Variants in SPIC observed in about 807,000 individuals in gnomAD.
SPIC encodes transcription factor Spi-C.
SPIC carries 9 observed loss-of-function variants against 16.7 expected under a neutral mutation model. That is an observed-to-expected ratio of 0.54 (90% CI 0.33 to 0.94). SPIC has a LOEUF of 0.94. Ranked by LOEUF, SPIC falls within the 40% of genes least tolerant of loss-of-function variation. The probability of loss-of-function intolerance (pLI) is 0.03; values close to 1 mark genes in which losing one functional copy is unlikely to be tolerated. For missense variants in SPIC, 241 were observed against 285.8 expected, an observed-to-expected ratio of 0.84 and a Z score of 1.13; for synonymous variants, 97 against 102.9, an observed-to-expected ratio of 0.94 and a Z score of 0.35.
intron 3 of SPIC, among the ~76,000 whole-genome samples, chr12:101,479,282 G>GAA (rs1208437586): frequency 2.0e-5 from 1 of 50,954 alleles, no homozygotes; most frequent in Non-Finnish European, 3.9e-5. Context: ...AAGAAAGAAA[G>GAA]AAAAAGAAAG....
intron 4 of SPIC, among the ~76,000 whole-genome samples, chr12:101,480,339 G>A (rs2121252998): frequency 6.6e-6 from 1 of 152,320 alleles, no homozygotes; most frequent in East Asian, 1.9e-4. Context: ...AAAAGCCACA[G>A]GGCAAAGATC....
Position 101,486,891 on chromosome 12 carries a change from AT to A in SPIC, c.*121del, listed in dbSNP as rs557978724. 3.4e-4 allele frequency: 272 copies of A among 808,068 alleles called. No individual in the cohort carries two copies. Among genetic ancestry groups the A allele is most frequent in the Non-Finnish European group, 4.4e-4 (243 of 546,758 alleles). 50.1% of individuals were successfully genotyped at this position (808,068 alleles called of 1,614,324 possible). ...ATTTAGGATTTTTCTCTTAAAGCAA[AT>A]ACTAAAGAGGAAAAAAAATTAACTT... On this transcript the variant is annotated 3_prime_UTR_variant, in exon 6 of 6. Coordinates refer to ENST00000551346, the MANE Select transcript of SPIC (RefSeq NM_152323.3).
rs1224252199 is a variant in SPIC, at chr12:101,486,844, CT to C, written c.*80del. 14 of 1,272,032 alleles carry C rather than the reference CT, an allele frequency of 1.1e-5. No individual in the cohort carries two copies. The highest frequency in any genetic ancestry group is 7.2e-5 in the South Asian group (4 of 55,610). 78.8% of individuals were successfully genotyped at this position (1,272,032 alleles called of 1,614,324 possible). On this transcript the variant is annotated 3_prime_UTR_variant, in exon 6 of 6. Coordinates refer to ENST00000551346, the MANE Select transcript of SPIC (RefSeq NM_152323.3). ...GTTTTAATGATTTCTCCCTCCCTCTCTTTTTTTCCTCCTCTGAAGAAATTTA... is the reference window on the plus strand; with the variant it reads ...GTTTTAATGATTTCTCCCTCCCTCTCTTTTTTCCTCCTCTGAAGAAATTTA...
Position 101,479,715 on chromosome 12 carries a change from T to C in SPIC, c.210+21T>C, listed in dbSNP as rs1033863086. The C allele has an allele frequency of 3.9e-6, 6 of 1,554,048 alleles. No homozygotes were observed. The African/African-American group carries it at 8.2e-5, about 21-fold the overall frequency. On this transcript the variant is annotated intron_variant, in intron 4 of 5. Coordinates refer to ENST00000551346, the MANE Select transcript of SPIC (RefSeq NM_152323.3). ...TAATTGTAAGTATCAGACCATCCCT[T>C]AATAACAGGCAAATATCCTATTCTT...
chr12:101,479,213 AAAG>A (rs1565831087), intron 3 of SPIC, among the ~76,000 whole-genome samples: 4 of 129,748 alleles, frequency 3.1e-5, no homozygotes, highest in Admixed American at 8.1e-5. Context: ...AGAAAGAAAG[AAAG>A]AAAGAAGGAA....
chr12:101,485,585 G>A (rs145771678), intron 5 of SPIC, among the ~76,000 whole-genome samples: 31 of 152,098 alleles, frequency 2.0e-4, no homozygotes, highest in Admixed American at 9.8e-4. Context: ...CTTTTACCTA[G>A]GTCTTCGGTA....
chr12:101,486,183 T>C (rs1172422255), intron 5 of SPIC, among the ~76,000 whole-genome samples, 161 bp from the exon 6 acceptor site: 1 of 152,132 alleles, frequency 6.6e-6, no homozygotes, highest in African/African-American at 2.4e-5. Flanking sequence ...TACCTTCGAA[T>C]CCCATAAAAT....
At chr12:101,479,792 T>A in intron 4 of SPIC, 98 bp downstream of exon 4, 1 of 838,120 alleles carries the variant, frequency 1.2e-6, no homozygotes. Context: ...AAAGACAGCA[T>A]TGACTATGAA....
At chr12:101,483,184 G>C (rs548707397) in intron 5 of SPIC, among the ~76,000 whole-genome samples, 1 of 151,108 alleles carries the variant, frequency 6.6e-6, no homozygotes, top group East Asian at 1.9e-4. Flanking sequence ...GGGATTACAG[G>C]TGTGAGCCAC....
chr12:101,479,254 G>GAAA (rs1167166875), intron 3 of SPIC, among the ~76,000 whole-genome samples: 1 of 95,550 alleles, frequency 1.0e-5, no homozygotes, highest in African/African-American at 5.3e-5. Context: ...AAGAAAGAAA[G>GAAA]AAGGAAGGAA....
At chr12:101,477,004 A>G in intron 2 of SPIC, 97 bp downstream of exon 2, 1 of 634,394 alleles carries the variant, frequency 1.6e-6, no homozygotes, top group Non-Finnish European at 2.5e-6. Context: ...CCTCCATTTT[A>G]AAAATAAAAT....
chr12:101,486,915 C>A lies in SPIC; in HGVS notation c.*144C>A. The stretch of plus-strand genomic sequence containing the variant: ...AATACTAAAGAGGAAAAAAAATTAA[C>A]TTTATTGTTGCTTTTATCAAAGAGT... On this transcript the variant is annotated 3_prime_UTR_variant, in exon 6 of 6. Transcript: ENST00000551346. The A allele has an allele frequency of 1.5e-6, 1 of 659,116 alleles. No homozygotes were observed. The highest frequency in any genetic ancestry group is 2.4e-6 in the Non-Finnish European group (1 of 421,120). 40.8% of individuals were successfully genotyped at this position (659,116 alleles called of 1,614,324 possible).
At chr12:101,485,706 G>C (rs1873342864) in intron 5 of SPIC, among the ~76,000 whole-genome samples, 1 of 152,122 alleles carries the variant, frequency 6.6e-6, no homozygotes, top group Non-Finnish European at 1.5e-5. Flanking sequence ...TTGTTTTCTG[G>C]AAATGGCTTT....
rs1873367964 is a variant in SPIC, at chr12:101,486,414, T to G, written c.390T>G (p.Ile130Met). Residue 130 changes from isoleucine (I) to methionine (M), a missense_variant, in exon 6 of 6, where the codon ATT becomes ATG. Physicochemically the swap from Ile to Met is conservative, Grantham distance 10. Coordinates refer to ENST00000551346, the MANE Select transcript of SPIC (RefSeq NM_152323.3). ...ATAATCCGGAGATGGCATCTTGTATTCAGTGGGTAGATAAAACCAAAGGCA... is the reference window on the plus strand; with the variant it reads ...ATAATCCGGAGATGGCATCTTGTATGCAGTGGGTAGATAAAACCAAAGGCA... ...SLYNPEMASC[I>M]QWVDKTKGIF... The G allele has an allele frequency of 6.2e-7, 1 of 1,614,030 alleles. No homozygotes were observed. Among genetic ancestry groups the G allele is most frequent in the Admixed American group, 1.7e-5 (1 of 59,992 alleles).
chr12:101,477,556 A>AC lies in SPIC; in HGVS notation c.4-2_4-1insC. 1 of 1,613,636 alleles carries AC rather than the reference A, an allele frequency of 6.2e-7. No individual in the cohort carries two copies. The highest frequency in any genetic ancestry group is 8.5e-7 in the Non-Finnish European group (1 of 1,179,530). On this transcript the variant is annotated splice_acceptor_variant, in intron 2 of 5. Transcript: ENST00000551346. LOFTEE classifies it high-confidence loss of function. The stretch of plus-strand genomic sequence containing the variant: ...TCCAGAATTCTATCATTGTTCCAAC[A>AC]GACGTGTGTTGAACAAGACAAGCTG...
chr12:101,481,828 C>G (rs1873207474), intron 4 of SPIC, among the ~76,000 whole-genome samples: 1 of 150,208 alleles, frequency 6.7e-6, no homozygotes, highest in Admixed American at 6.6e-5. Context: ...TTTTTTTGTA[C>G]TTTTAGTAGA....
chr12:101,481,260 C>T (rs1010178462), intron 4 of SPIC, among the ~76,000 whole-genome samples: 18 of 151,928 alleles, frequency 1.2e-4, no homozygotes, highest in Non-Finnish European at 2.2e-4. Context: ...GATTATAGCT[C>T]ACTGAAGCTT....
chr12:101,479,347 G>GAAAGAA lies in SPIC; in HGVS notation c.98-233_98-228dup, dbSNP rs1565831385. On this transcript the variant is annotated intron_variant, in intron 3 of 5. Coordinates refer to ENST00000551346, the MANE Select transcript of SPIC (RefSeq NM_152323.3). ...AGAAAGAAAGAAAGAAAGAAAGAAA[G>GAAAGAA]AAAGAAAGAAATCATGCGGTTTCAG... Among the ~76,000 whole-genome samples the GAAAGAA allele has an allele frequency of 1.1e-3, 162 of 150,196 alleles. 2 individuals carry two copies. The highest frequency in any genetic ancestry group is 3.7e-3 in the African/African-American group (150 of 40,444).
At position 101,477,647 on chromosome 12, in the gene SPIC, G is replaced by T. The variant is rs1457401487; in HGVS notation, c.93G>T (p.Ser31=). The T allele has an allele frequency of 1.2e-6, 2 of 1,611,954 alleles. No individual in the cohort carries two copies. The highest frequency in any genetic ancestry group is 1.7e-5 in the Admixed American group (1 of 59,998). ...ATTCAACTGGAGATCTTCAGTACTC[G>T]CCAGGTAAAGATGAGTCATTTACCC... ...RQHSTGDLQY[S]PDYRNYLALI... is the part of the protein sequence containing the mutation. The change falls in exon 3 of 6, where the codon TCG becomes TCT. Residue 31 remains serine (S), a synonymous_variant. Transcript: ENST00000551346.
Sources: allele counts gnomAD v4.1 joint callset (sites outside exome capture counted in the v4.1 genomes callset), GRCh38; gene constraint gnomAD v4.1.1; transcripts MANE v1.5; gene names NCBI Gene and HGNC (gene_info 2026-07-23, HGNC 2026-07-21).